Variants in RBPJ observed in about 807,000 individuals in gnomAD.
RBPJ encodes recombining binding protein suppressor of hairless.
A neutral mutation model predicts 67.8 loss-of-function variants in RBPJ; 9 were observed. The ratio of observed to expected loss-of-function variants is 0.13; its 90% CI spans 0.08 to 0.23. The LOEUF (loss-of-function observed/expected upper bound fraction) is 0.23. RBPJ is among the 10% of genes least tolerant of loss of function. The pLI, the probability that RBPJ is intolerant of heterozygous loss-of-function variation, is 1.00. For synonymous variants in RBPJ, 198 were observed against 203.3 expected, an observed-to-expected ratio of 0.97 and a Z score of 0.22; for missense variants, 305 against 595.6, an observed-to-expected ratio of 0.51 and a Z score of 5.08.
At chr4:26,158,506 T>C (rs1011131166), upstream of RBPJ, among the ~76,000 whole-genome samples, 5 of 152,190 alleles carry the variant, frequency 3.3e-5, no homozygotes, top group Non-Finnish European at 7.3e-5. Context: ...ACCCTCCAGA[T>C]GAGGAAAAGG....
intron 1 of RBPJ, among the ~76,000 whole-genome samples, chr4:26,196,392 A>G (rs191592933): frequency 2.6e-5 from 4 of 152,382 alleles, no homozygotes. Context: ...GAATTTGCAG[A>G]GACAAGAAAG....
the RBPJ span, among the ~76,000 whole-genome samples, chr4:26,109,452 CTCTCTCTCTATATATATATA>C: frequency 4.1e-5 from 1 of 24,220 alleles, no homozygotes; most frequent in Non-Finnish European, 7.7e-5. Context: ...CTCTCTCTCT[CTCTCTCTCTATATATATATA>C]TATATATATA....
rs79272628 is a variant in RBPJ, at chr4:26,424,351, C to G, written c.506C>G (p.Ala169Gly). Reference sequence around the variant, plus strand: ...TGTTTTTTCTTTGCAGTATGCATTGCCTCAGGAACAAAGGTGGCTCTGTTT... The same window carrying G: ...TGTTTTTTCTTTGCAGTATGCATTGGCTCAGGAACAAAGGTGGCTCTGTTT... Reference protein sequence around the residue: ...QSLKNADLCIASGTKVALFNR... With the variant: ...QSLKNADLCIGSGTKVALFNR... The change falls in exon 6 of 11, where the codon GCC becomes GGC. Residue 169 changes from alanine (A) to glycine (G), a missense_variant. Physicochemically the swap from Ala to Gly is moderately conservative, Grantham distance 60. Transcript: ENST00000355476. This position sits in a 1 kb window ranked among gnomAD's most constrained non-coding sequence, Gnocchi z 5.3. 5.0e-6 allele frequency: 8 copies of G among 1,613,286 alleles called. No individual in the cohort carries two copies. Among genetic ancestry groups the G allele is most frequent in the Non-Finnish European group, 5.9e-6 (7 of 1,179,794 alleles).
intron 1 of RBPJ, among the ~76,000 whole-genome samples, chr4:26,305,791 T>TTTTTTTTTTTTTTTTTTG (rs1722218243): frequency 7.0e-6 from 1 of 142,162 alleles, no homozygotes; most frequent in African/African-American, 2.7e-5. Context: ...TTTTTTTTTT[T>TTTTTTTTTTTTTTTTTTG]TTTCTGAGAC....
At chr4:26,399,675 C>CA (rs1354097026) in intron 2 of RBPJ, among the ~76,000 whole-genome samples, 1 of 151,864 alleles carries the variant, frequency 6.6e-6, no homozygotes, top group Non-Finnish European at 1.5e-5. Flanking sequence ...TTTTTGATAA[C>CA]AAAATCTCCT....
chr4:26,378,604 C>T (rs1485513699), intron 1 of RBPJ, among the ~76,000 whole-genome samples: 2 of 152,158 alleles, frequency 1.3e-5, no homozygotes, highest in African/African-American at 4.8e-5. Context: ...CTGTTAGTTA[C>T]CCTCATTTAG....
At chr4:26,320,856 T>C (rs991083850), upstream of RBPJ, 12 of 1,569,634 alleles carry the variant, frequency 7.6e-6, no homozygotes, top group Non-Finnish European at 1.0e-5. Flanking sequence ...TCCCCTACTC[T>C]GCGGGCGGCG....
Position 26,424,298 on chromosome 4 carries a change from C to T in RBPJ, c.497-44C>T. 1 of 1,598,544 alleles carries T rather than the reference C, an allele frequency of 6.3e-7. No homozygotes were observed. The highest frequency in any genetic ancestry group is 8.5e-7 in the Non-Finnish European group (1 of 1,169,736). ...TTTCCTTCTTTTGCTCCCTCCCCAC[C>T]TTCTGCTCCAATCACATAAATAAGA... On this transcript the variant is annotated intron_variant, in intron 5 of 10. Transcript: ENST00000355476. This position sits in a 1 kb window ranked among gnomAD's most constrained non-coding sequence, Gnocchi z 5.3.
chr4:26,176,338 A>G (rs769090585), intron 1 of RBPJ, among the ~76,000 whole-genome samples: 1 of 152,168 alleles, frequency 6.6e-6, no homozygotes, highest in African/African-American at 2.4e-5. Context: ...GGGATTTTCA[A>G]CCAGACTCAC....
intron 1 of RBPJ, among the ~76,000 whole-genome samples, chr4:26,186,958 C>T (rs937829109): frequency 4.6e-5 from 7 of 152,250 alleles, no homozygotes; most frequent in East Asian, 1.9e-4. Flanking sequence ...CAGTGGACCA[C>T]GCCTGTAATT....
At chr4:26,386,303 T>A in intron 1 of RBPJ, 50 bp from the exon 2 acceptor site, 1 of 1,275,118 alleles carries the variant, frequency 7.8e-7, no homozygotes, top group Admixed American at 2.0e-5. Context: ...TTCTGTAGAG[T>A]GTATCATAAA....
At chr4:26,196,575 A>C (rs1717772547) in intron 1 of RBPJ, among the ~76,000 whole-genome samples, 1 of 152,232 alleles carries the variant, frequency 6.6e-6, no homozygotes, top group African/African-American at 2.4e-5. Context: ...CATTCGATAG[A>C]TCTGCACAGT....
chr4:26,352,750 G>C (rs1378403435), intron 1 of RBPJ, among the ~76,000 whole-genome samples: 2 of 152,178 alleles, frequency 1.3e-5, no homozygotes, highest in Admixed American at 6.5e-5. Flanking sequence ...AAATCTATCC[G>C]TGGCGTTCTG....
chr4:26,375,187 C>G (rs1729580535), intron 1 of RBPJ, among the ~76,000 whole-genome samples: 1 of 151,158 alleles, frequency 6.6e-6, no homozygotes, highest in Non-Finnish European at 1.5e-5. Context: ...ACCTGTGGTC[C>G]TAGCTACTGG....
At chr4:26,156,647 G>T in the RBPJ span, among the ~76,000 whole-genome samples, 4 of 150,048 alleles carry the variant, frequency 2.7e-5, no homozygotes, top group African/African-American at 4.8e-5. Flanking sequence ...TAGACATGGG[G>T]TTTCACTATG....
chr4:26,156,099 C>A, the RBPJ span, among the ~76,000 whole-genome samples: 1 of 152,090 alleles, frequency 6.6e-6, no homozygotes, highest in Non-Finnish European at 1.5e-5. Context: ...TGCAGTGCCT[C>A]AACCATCAAA....
intron 1 of RBPJ, among the ~76,000 whole-genome samples, chr4:26,292,714 G>T (rs1470151539): frequency 6.6e-6 from 1 of 150,520 alleles, no homozygotes; most frequent in Non-Finnish European, 1.5e-5. Context: ...GAGCCACTGA[G>T]CCTGGCCAAA....
intron 1 of RBPJ, among the ~76,000 whole-genome samples, chr4:26,212,432 C>CTTT (rs370447105): frequency 1.3e-3 from 147 of 112,224 alleles, no homozygotes; most frequent in Non-Finnish European, 1.7e-3. Context: ...CTTTTCTTTT[C>CTTT]TTTTTTTTTT....
At chr4:26,159,071 G>T (rs185081450), upstream of RBPJ, among the ~76,000 whole-genome samples, 27 of 151,656 alleles carry the variant, frequency 1.8e-4, no homozygotes, top group East Asian at 4.5e-3. Context: ...GGGAAGAAAG[G>T]GTTTAGAGAC....
Sources: allele counts gnomAD v4.1 joint callset (sites outside exome capture counted in the v4.1 genomes callset), GRCh38; gene constraint gnomAD v4.1.1; non-coding constraint Gnocchi (gnomAD v3.1); transcripts MANE v1.5; gene names NCBI Gene and HGNC (gene_info 2026-07-23, HGNC 2026-07-21).